The following CT45A1 variants were observed in gnomAD, a reference collection of about 807,000 sequenced individuals.
CT45A1 encodes cancer/testis antigen 45-1.
upstream of CT45A1, among the ~76,000 whole-genome samples, chrX:135,710,764 C>G (rs1167226015): frequency 1.8e-5 from 2 of 112,659 alleles, no homozygotes; most frequent in Non-Finnish European, 3.7e-5. Context: ...AAATTCTGCT[C>G]TGCTGAGGAT....
At chrX:135,710,772 G>T (rs2087929669), upstream of CT45A1, among the ~76,000 whole-genome samples, 1 of 112,505 alleles carries the variant, frequency 8.9e-6, no homozygotes, top group Non-Finnish European at 1.9e-5. Flanking sequence ...CTCTGCTGAG[G>T]ATACCCTTTG....
chrX:135,717,009 T>C (rs1302011667), intron 1 of CT45A1, among the ~76,000 whole-genome samples: 1 of 111,694 alleles, frequency 9.0e-6, no homozygotes, highest in African/African-American at 3.3e-5. Context: ...ACTCTACCTT[T>C]ATAGTAAATT....
chrX:135,709,232 T>A (rs2087922137), upstream of CT45A1, among the ~76,000 whole-genome samples: 1 of 111,984 alleles, frequency 8.9e-6, no homozygotes, highest in Non-Finnish European at 1.9e-5. Flanking sequence ...TTCAAGCAGT[T>A]CTCTTGCCTC....
chrX:135,714,878 A>G (rs2087965586), intron 1 of CT45A1, among the ~76,000 whole-genome samples: 1 of 99,438 alleles, frequency 1.0e-5, no homozygotes, highest in Non-Finnish European at 2.0e-5. Context: ...TTTATTGGTC[A>G]TTTAACTATG....
intron 1 of CT45A1, among the ~76,000 whole-genome samples, chrX:135,717,977 G>C (rs1360439888): frequency 8.9e-6 from 1 of 111,871 alleles, no homozygotes; most frequent in Middle Eastern, 4.6e-3. Flanking sequence ...GGACATCTTT[G>C]TCTTGTTTTC....
chrX:135,718,046 G>C (rs2088002953), intron 1 of CT45A1, among the ~76,000 whole-genome samples: 1 of 111,707 alleles, frequency 9.0e-6, no homozygotes, highest in Admixed American at 9.6e-5. Flanking sequence ...AAAATTTTTT[G>C]TACATATGCT....
At chrX:135,710,298 G>C (rs1200760492), upstream of CT45A1, 2 of 112,045 alleles carry the variant, frequency 1.8e-5, no homozygotes, top group Non-Finnish European at 3.8e-5. Context: ...GAGTATACTA[G>C]AGTCTCCAGA....
Position 135,718,093 on chromosome X carries a change from G to T in CT45A1, c.-6-842G>T, listed in dbSNP as rs188700571. Among the ~76,000 whole-genome samples, 666 of 111,950 alleles carry T rather than the reference G, an allele frequency of 5.9e-3. 4 individuals are homozygous for T. Among genetic ancestry groups the T allele is most frequent in the Middle Eastern group, 0.032 (7 of 217 alleles). ...GAAACTTGCCCTTTTTCCTAAGTTG[G>T]TGATAGTTTTTATCACGAATGGACT... On this transcript the variant is annotated intron_variant, in intron 1 of 4. Transcript: ENST00000594565.
intron 1 of CT45A1, among the ~76,000 whole-genome samples, chrX:135,715,249 TTATATATATATAATACTTA>T (rs1431938701): frequency 2.6e-5 from 2 of 76,798 alleles, no homozygotes; most frequent in Non-Finnish European, 4.6e-5. Flanking sequence ...TATATAATAC[TTATATATATATAATACTTA>T]TATATATATA....
Position 135,713,710 on chromosome X carries a change from G to A in CT45A1, c.-7+20G>A. The A allele has an allele frequency of 1.3e-6, 1 of 741,625 alleles. No individual in the cohort carries two copies. Among genetic ancestry groups the A allele is most frequent in the Non-Finnish European group, 1.6e-6 (1 of 627,765 alleles). 61.1% of individuals were successfully genotyped at this position (741,625 alleles called of 1,213,427 possible). A position where few individuals can be genotyped will look rare whatever the true frequency, so the allele number is the denominator to read the frequency against. On this transcript the variant is annotated intron_variant, in intron 1 of 4. Transcript: ENST00000594565. ...AGCAAGGTCAGGACTTAAGGACTGT[G>A]AGTGGGGCAGTTTTTCCCTGGATGC...
intron 1 of CT45A1, among the ~76,000 whole-genome samples, chrX:135,715,215 AC>A (rs782509454): frequency 0.015 from 1,317 of 88,261 alleles, 38 homozygotes; most frequent in Non-Finnish European, 0.024. Flanking sequence ...TATATATAAT[AC>A]TTATATATAT....
At chrX:135,718,263 G>C (rs1317496824) in intron 1 of CT45A1, among the ~76,000 whole-genome samples, 1 of 111,306 alleles carries the variant, frequency 9.0e-6, no homozygotes, top group Non-Finnish European at 1.9e-5. Context: ...CCACCATGAT[G>C]TATGTCCTTT....
chrX:135,714,076 G>T (rs112802936), intron 1 of CT45A1, among the ~76,000 whole-genome samples: 2 of 108,005 alleles, frequency 1.9e-5, no homozygotes, highest in Non-Finnish European at 3.8e-5. Context: ...TCCTGAGCGG[G>T]GGCTCTGCCT....
At chrX:135,712,961 C>CTTTCTT (rs2087945149), upstream of CT45A1, among the ~76,000 whole-genome samples, 1 of 72,586 alleles carries the variant, frequency 1.4e-5, no homozygotes, top group African/African-American at 5.1e-5. Flanking sequence ...TTCTTTCTTT[C>CTTTCTT]TTTCTTTCTT....
At chrX:135,709,284 C>T (rs1182288111), upstream of CT45A1, among the ~76,000 whole-genome samples, 2 of 112,334 alleles carry the variant, frequency 1.8e-5, no homozygotes, top group Non-Finnish European at 3.8e-5. Context: ...CACTGTTACA[C>T]CTGGCTAATT....
At chrX:135,710,665 T>A (rs1466629730), upstream of CT45A1, among the ~76,000 whole-genome samples, 1 of 112,218 alleles carries the variant, frequency 8.9e-6, no homozygotes, top group Admixed American at 9.4e-5. Flanking sequence ...GTTTGACCAC[T>A]TTGTTGAGCC....
At chrX:135,716,456 G>T (rs1189329327) in intron 1 of CT45A1, among the ~76,000 whole-genome samples, 3 of 110,974 alleles carry the variant, frequency 2.7e-5, no homozygotes, top group Non-Finnish European at 5.7e-5. Flanking sequence ...AATTTTAGTG[G>T]GATGTTTGTT....
intron 1 of CT45A1, among the ~76,000 whole-genome samples, chrX:135,714,517 C>A: frequency 9.1e-6 from 1 of 109,732 alleles, no homozygotes. Flanking sequence ...TGAAGGAACT[C>A]TTCACCGGGA....
upstream of CT45A1, among the ~76,000 whole-genome samples, chrX:135,712,989 C>CTTCT (rs2087946516): frequency 1.6e-4 from 1 of 6,083 alleles, no homozygotes; most frequent in African/African-American, 1.0e-3. Flanking sequence ...TTTCTCCTTC[C>CTTCT]TTCCTTCCTC....
Sources: allele counts gnomAD v4.1 joint callset (sites outside exome capture counted in the v4.1 genomes callset), GRCh38; gene constraint gnomAD v4.1.1; transcripts MANE v1.5; gene names NCBI Gene and HGNC (gene_info 2026-07-23, HGNC 2026-07-21).